FBXL17: variants seen among roughly 807,000 people sequenced by gnomAD.
The protein encoded by FBXL17 is F-box and leucine rich repeat protein 17.
FBXL17 carries 22 observed loss-of-function variants against 66.2 expected under a neutral mutation model. The observed-to-expected ratio is 0.33, with a 90% CI of 0.24 to 0.47. FBXL17 has a LOEUF of 0.47. Among genes scored for constraint, FBXL17 ranks in the 20% least tolerant of loss-of-function variants. The pLI, the probability that FBXL17 is intolerant of heterozygous loss-of-function variation, is 1.00. For missense variants in FBXL17, 878 were observed against 948.2 expected (o/e 0.93, Z 0.97); for synonymous variants, 474 against 400.5 (o/e 1.18, Z -2.19).
chr5:108,381,204 C>G lies in FBXL17; in HGVS notation c.488G>C (p.Ser163Thr), dbSNP rs1749880276. The change falls in exon 1 of 9, where the codon AGC becomes ACC. Residue 163 changes from serine to threonine, a missense_variant. Ser to Thr is a moderately conservative substitution (Grantham distance 58). Transcript: ENST00000542267. ...CCCCAGGAAGCGCACCGGCCCCAAG[C>G]TGGCCAGGAAGAGACTTCGGCCCTG... ...EQQGRSLFLA[S>T]LGPVRFLGPP... The G allele has an allele frequency of 1.4e-6, 2 of 1,443,636 alleles. No individual in the cohort carries two copies. The highest frequency in any genetic ancestry group is 3.0e-5 in the African/African-American group (2 of 67,796). The allele number at this position is 1,443,636 out of a possible 1,614,324, so 89.4% of individuals were successfully genotyped here.
chr5:108,142,293 A>G (rs937611739), intron 6 of FBXL17, among the ~76,000 whole-genome samples: 1 of 152,196 alleles, frequency 6.6e-6, no homozygotes, highest in Non-Finnish European at 1.5e-5. Context: ...TTCTTCTGTA[A>G]TCTTTTTTGC....
chr5:107,940,411 G>C (rs932565889), intron 7 of FBXL17, among the ~76,000 whole-genome samples: 16 of 152,268 alleles, frequency 1.1e-4, no homozygotes, highest in Admixed American at 1.0e-3. Context: ...TGGCGTATAT[G>C]CAAGGTGGTC....
At chr5:108,118,354 G>C (rs1301988506) in intron 6 of FBXL17, among the ~76,000 whole-genome samples, 1 of 152,144 alleles carries the variant, frequency 6.6e-6, no homozygotes, top group Non-Finnish European at 1.5e-5. Context: ...TCCAAAAGTT[G>C]TTTGTGCTGC....
chr5:107,920,896 C>A (rs574759931), intron 7 of FBXL17, among the ~76,000 whole-genome samples: 1 of 152,218 alleles, frequency 6.6e-6, no homozygotes, highest in African/African-American at 2.4e-5. Flanking sequence ...GAAAATTGCT[C>A]CACAATCTCA....
intron 4 of FBXL17, among the ~76,000 whole-genome samples, chr5:108,307,015 C>A (rs1203754505): frequency 1.3e-5 from 2 of 151,818 alleles, no homozygotes; most frequent in Non-Finnish European, 2.9e-5. Flanking sequence ...TTTAGGTATC[C>A]ATCATGAAAC....
chr5:108,200,803 T>C (rs1460324413), intron 5 of FBXL17, among the ~76,000 whole-genome samples: 2 of 152,138 alleles, frequency 1.3e-5, no homozygotes, highest in African/African-American at 2.4e-5. Context: ...AAATACACTG[T>C]GATCAACAGC....
chr5:107,956,372 T>C (rs1445737129), intron 7 of FBXL17, among the ~76,000 whole-genome samples: 1 of 152,150 alleles, frequency 6.6e-6, no homozygotes, highest in African/African-American at 2.4e-5. Context: ...ACCACTGCTA[T>C]AGAAAAACTT....
chr5:108,018,486 G>A (rs1013543438), intron 7 of FBXL17, among the ~76,000 whole-genome samples: 2 of 152,118 alleles, frequency 1.3e-5, no homozygotes, highest in East Asian at 1.9e-4. Flanking sequence ...AAGATGAGAT[G>A]AGCTTTCAGT....
intron 4 of FBXL17, among the ~76,000 whole-genome samples, chr5:108,236,887 T>C (rs1025040062): frequency 6.6e-6 from 1 of 152,160 alleles, no homozygotes; most frequent in African/African-American, 2.4e-5. Context: ...CTGACTAAGC[T>C]TATACAGGAA....
At chr5:108,299,148 C>A in intron 4 of FBXL17, 1 of 980,252 alleles carries the variant, frequency 1.0e-6, no homozygotes, top group Non-Finnish European at 1.2e-6. Flanking sequence ...AAAAATCTGT[C>A]AAGATTCTAT....
intron 7 of FBXL17, among the ~76,000 whole-genome samples, chr5:108,016,135 T>G (rs1400126786): frequency 6.6e-6 from 1 of 152,222 alleles, no homozygotes; most frequent in Admixed American, 6.5e-5. Context: ...TCTCCAATCA[T>G]AATCATGGAC....
At chr5:108,215,719 C>A (rs966269107) in intron 5 of FBXL17, among the ~76,000 whole-genome samples, 2 of 151,988 alleles carry the variant, frequency 1.3e-5, no homozygotes, top group African/African-American at 4.8e-5. Flanking sequence ...TACAATTTAC[C>A]TTTTTTTTCT....
chr5:108,201,894 T>C (rs1753913155), intron 5 of FBXL17, among the ~76,000 whole-genome samples: 4 of 151,072 alleles, frequency 2.6e-5, no homozygotes, highest in Admixed American at 2.6e-4. Context: ...GCTCATAATC[T>C]CTTTCTTGGA....
intron 6 of FBXL17, among the ~76,000 whole-genome samples, chr5:108,182,221 A>C (rs1753033405): frequency 6.6e-6 from 1 of 152,180 alleles, no homozygotes; most frequent in Non-Finnish European, 1.5e-5. Flanking sequence ...GATTTACTGG[A>C]GGATAATAAT....
Position 108,381,254 on chromosome 5 carries a change from C to T in FBXL17, c.438G>A (p.Leu146=). ...SPASCCKELG[L]AAAAAWEQQG... ...GCTGCTCCCAGGCGGCGGCCGCAGC[C>T]AGCCCCAACTCTTTGCAGCAGGAGG... The change falls in exon 1 of 9, where the codon CTG becomes CTA. Residue 146 remains leucine (L), a synonymous_variant. Coordinates refer to ENST00000542267, the MANE Select transcript of FBXL17 (RefSeq NM_001163315.3). 6.9e-7 allele frequency: 1 copy of T among 1,443,498 alleles called. No individual in the cohort carries two copies. The highest frequency in any genetic ancestry group is 9.1e-7 in the Non-Finnish European group (1 of 1,100,888). 89.4% of individuals were successfully genotyped at this position (1,443,498 alleles called of 1,614,324 possible).
intron 7 of FBXL17, among the ~76,000 whole-genome samples, chr5:108,017,463 G>C (rs1045460680): frequency 1.3e-5 from 2 of 152,304 alleles, no homozygotes; most frequent in Admixed American, 6.5e-5. Flanking sequence ...GATTCTGTAT[G>C]ACAAGAACTG....
chr5:108,051,085 C>T (rs758904732), intron 6 of FBXL17, among the ~76,000 whole-genome samples: 2 of 152,172 alleles, frequency 1.3e-5, no homozygotes, highest in African/African-American at 4.8e-5. Context: ...GAAATTGAGG[C>T]AGTGATTAAT....
At chr5:107,955,147 T>C (rs1751620823) in intron 7 of FBXL17, among the ~76,000 whole-genome samples, 1 of 152,096 alleles carries the variant, frequency 6.6e-6, no homozygotes, top group Non-Finnish European at 1.5e-5. Flanking sequence ...CTTTTATTTC[T>C]TGATTTTTTA....
chr5:108,269,498 A>G (rs1028167076), intron 4 of FBXL17, among the ~76,000 whole-genome samples: 1 of 152,116 alleles, frequency 6.6e-6, no homozygotes, highest in African/African-American at 2.4e-5. Flanking sequence ...TATATTGGAT[A>G]CAGATGAAAA....
Sources: allele counts gnomAD v4.1 joint callset (sites outside exome capture counted in the v4.1 genomes callset), GRCh38; gene constraint gnomAD v4.1.1; transcripts MANE v1.5; gene names NCBI Gene and HGNC (gene_info 2026-07-23, HGNC 2026-07-21).